The following RHOJ variants were observed in gnomAD, a reference collection of about 807,000 sequenced individuals.
RHOJ encodes the protein ras homolog family member J.
Under a neutral mutation model 23.4 loss-of-function variants are expected in RHOJ, and 11 were observed. The observed-to-expected ratio is 0.47, with a 90% CI of 0.30 to 0.78. RHOJ has a LOEUF of 0.78. RHOJ is among the 30% of genes least tolerant of loss of function. The probability of loss-of-function intolerance (pLI) is 0.08; values close to 1 mark genes in which losing one functional copy is unlikely to be tolerated. For missense variants in RHOJ, 254 were observed against 273.4 expected, an observed-to-expected ratio of 0.93 and a Z score of 0.50; for synonymous variants, 102 against 102.7, an observed-to-expected ratio of 0.99 and a Z score of 0.04.
intron 1 of RHOJ, among the ~76,000 whole-genome samples, chr14:63,244,756 G>T (rs1047849851): frequency 1.3e-5 from 2 of 152,128 alleles, no homozygotes; most frequent in Non-Finnish European, 2.9e-5. Flanking sequence ...TCAAAAACAA[G>T]AAAACTGAGA....
chr14:63,215,149 A>G (rs1050302986), intron 1 of RHOJ, among the ~76,000 whole-genome samples: 5 of 152,150 alleles, frequency 3.3e-5, no homozygotes, highest in African/African-American at 7.2e-5. Flanking sequence ...TTTGGGGAAA[A>G]GGAAAGAAAA....
intron 1 of RHOJ, among the ~76,000 whole-genome samples, chr14:63,245,894 T>C (rs1173268319): frequency 2.6e-5 from 4 of 152,202 alleles, no homozygotes; most frequent in African/African-American, 9.6e-5. Context: ...AAGCTTTGAA[T>C]TCACACAGAC....
intron 2 of RHOJ, 51 bp from the exon 3 acceptor site, chr14:63,280,920 T>C: frequency 6.5e-7 from 1 of 1,542,302 alleles, no homozygotes; most frequent in Non-Finnish European, 8.8e-7. Flanking sequence ...TGGAACTACA[T>C]GGGACACACC....
At chr14:63,261,680 A>G (rs1895275616) in intron 1 of RHOJ, among the ~76,000 whole-genome samples, 2 of 151,840 alleles carry the variant, frequency 1.3e-5, no homozygotes, top group African/African-American at 4.8e-5. Flanking sequence ...AGCTTAAGCA[A>G]TCCTCCTGCC....
chr14:63,238,881 G>A (rs1894835716), intron 1 of RHOJ, among the ~76,000 whole-genome samples: 1 of 152,200 alleles, frequency 6.6e-6, no homozygotes, highest in African/African-American at 2.4e-5. Flanking sequence ...TGCTGGAAAT[G>A]AGGATGATGC....
At chr14:63,220,560 G>A (rs1894469667) in intron 1 of RHOJ, among the ~76,000 whole-genome samples, 1 of 152,100 alleles carries the variant, frequency 6.6e-6, no homozygotes, top group Non-Finnish European at 1.5e-5. Flanking sequence ...AATCTAGGGA[G>A]GAAGACAAGC....
intron 1 of RHOJ, among the ~76,000 whole-genome samples, chr14:63,229,931 T>C (rs1386864122): frequency 6.6e-6 from 1 of 152,222 alleles, no homozygotes; most frequent in Non-Finnish European, 1.5e-5. Context: ...TCAACACTAA[T>C]TATCCCTAAG....
intron 2 of RHOJ, among the ~76,000 whole-genome samples, chr14:63,274,337 CAATTTGGGAGA>C (rs1339153013): frequency 4.6e-5 from 7 of 152,262 alleles, no homozygotes; most frequent in African/African-American, 1.4e-4. Context: ...CAGGAGTAGG[CAATTTGGGAGA>C]TTAGGGAGAA....
At chr14:63,245,790 T>C (rs967173441) in intron 1 of RHOJ, among the ~76,000 whole-genome samples, 1 of 152,198 alleles carries the variant, frequency 6.6e-6, no homozygotes, top group Non-Finnish European at 1.5e-5. Flanking sequence ...GCAAAAATCC[T>C]TAACTAACCA....
intron 1 of RHOJ, among the ~76,000 whole-genome samples, chr14:63,232,901 G>A (rs1458710676): frequency 1.3e-5 from 2 of 151,916 alleles, no homozygotes; most frequent in African/African-American, 4.8e-5. Flanking sequence ...TCACCATGTT[G>A]TCCAGGCTGG....
intron 4 of RHOJ, among the ~76,000 whole-genome samples, chr14:63,287,643 G>A (rs767519953): frequency 3.4e-5 from 5 of 147,338 alleles, no homozygotes; most frequent in African/African-American, 7.6e-5. Context: ...TCTGTACATC[G>A]CTGATAAATG....
At chr14:63,272,892 G>A (rs562473257) in intron 2 of RHOJ, among the ~76,000 whole-genome samples, 43 of 152,244 alleles carry the variant, frequency 2.8e-4, no homozygotes, top group South Asian at 2.3e-3. Context: ...GCATGGTGGC[G>A]CGCACCTGTA....
intron 4 of RHOJ, among the ~76,000 whole-genome samples, chr14:63,289,225 G>A (rs1015348512): frequency 3.3e-5 from 5 of 152,088 alleles, no homozygotes; most frequent in African/African-American, 1.2e-4. Flanking sequence ...AAATCCAAAT[G>A]TCCAACTCCT....
chr14:63,284,486 C>G (rs1882017241), intron 4 of RHOJ: 2 of 372,784 alleles, frequency 5.4e-6, no homozygotes, highest in Non-Finnish European at 7.4e-6. Flanking sequence ...TCTTAGAAGA[C>G]AAGCACATAG....
At chr14:63,266,340 T>C (rs1281900713) in intron 1 of RHOJ, among the ~76,000 whole-genome samples, 1 of 152,148 alleles carries the variant, frequency 6.6e-6, no homozygotes, top group African/African-American at 2.4e-5. Context: ...GAGGAGAGTA[T>C]GATGAGGCAT....
intron 1 of RHOJ, among the ~76,000 whole-genome samples, chr14:63,241,651 C>T (rs147546589): frequency 6.6e-5 from 10 of 152,058 alleles, no homozygotes; most frequent in South Asian, 2.1e-4. Context: ...TAAGAGGTTA[C>T]GAGGAAAAAA....
chr14:63,215,184 AC>A (rs1894327887), intron 1 of RHOJ, among the ~76,000 whole-genome samples: 1 of 152,210 alleles, frequency 6.6e-6, no homozygotes, highest in Admixed American at 6.5e-5. Flanking sequence ...CTCTTACAGT[AC>A]AAGTTCTCTG....
At chr14:63,207,163 C>G (rs985421240) in intron 1 of RHOJ, among the ~76,000 whole-genome samples, 1 of 151,934 alleles carries the variant, frequency 6.6e-6, no homozygotes, top group African/African-American at 2.4e-5. Flanking sequence ...TCCTGAGTAG[C>G]TGGGACTACA....
intron 2 of RHOJ, among the ~76,000 whole-genome samples, chr14:63,272,731 A>G (rs1052485931): frequency 9.2e-5 from 14 of 152,190 alleles, no homozygotes; most frequent in South Asian, 8.3e-4. Context: ...TGTGCTAAAG[A>G]TAGTTTATAA....
Sources: allele counts gnomAD v4.1 joint callset (sites outside exome capture counted in the v4.1 genomes callset), GRCh38; gene constraint gnomAD v4.1.1; transcripts MANE v1.5; gene names NCBI Gene and HGNC (gene_info 2026-07-23, HGNC 2026-07-21).